REPS2: variants seen among roughly 807,000 people sequenced by gnomAD.
REPS2 encodes the protein RALBP1 associated Eps domain containing 2, also known as ralBP1-associated Eps domain-containing protein 2.
Under a neutral mutation model 53.6 loss-of-function variants are expected in REPS2, and 23 were observed. That is an observed-to-expected ratio of 0.43 (90% confidence interval 0.31 to 0.61). The LOEUF (loss-of-function observed/expected upper bound fraction) is 0.61, where lower values mean the gene tolerates loss of function less well. Ranked by LOEUF, REPS2 falls within the 20% of genes least tolerant of loss-of-function variation. The pLI is 0.11. For missense variants in REPS2, 446 were observed against 534.9 expected, an observed-to-expected ratio of 0.83 and a Z score of 1.64; for synonymous variants, 238 against 218.6, an observed-to-expected ratio of 1.09 and a Z score of -0.78.
intron 14 of REPS2, among the ~76,000 whole-genome samples, chrX:17,110,113 A>T (rs1006148661): frequency 9.0e-6 from 1 of 111,354 alleles, no homozygotes; most frequent in African/African-American, 3.3e-5. Flanking sequence ...GGGGCAGGGG[A>T]AGGAATTCCT....
intron 1 of REPS2, among the ~76,000 whole-genome samples, chrX:16,964,795 C>CG (rs1569092777): frequency 1.2e-5 from 1 of 84,814 alleles, no homozygotes; most frequent in Non-Finnish European, 2.4e-5. Flanking sequence ...GGCTGACCCC[C>CG]CCACCTCCCT....
chrX:17,185,519 C>G, the REPS2 span, among the ~76,000 whole-genome samples: 1 of 111,744 alleles, frequency 8.9e-6, no homozygotes, highest in Non-Finnish European at 1.9e-5. Context: ...TGTTTGGAAA[C>G]TATGGCTCAA....
At chrX:16,959,156 T>C (rs2060630829) in intron 1 of REPS2, among the ~76,000 whole-genome samples, 1 of 112,639 alleles carries the variant, frequency 8.9e-6, no homozygotes, top group African/African-American at 3.2e-5. Context: ...TGGAGCACAG[T>C]GGCACCATCA....
chrX:17,005,269 G>T (rs2061350877), intron 1 of REPS2, among the ~76,000 whole-genome samples: 1 of 111,311 alleles, frequency 9.0e-6, no homozygotes, highest in African/African-American at 3.3e-5. Context: ...TGCCATTGAA[G>T]AGAAGACATT....
the REPS2 span, among the ~76,000 whole-genome samples, chrX:17,188,782 C>T: frequency 8.9e-6 from 1 of 111,842 alleles, no homozygotes; most frequent in African/African-American, 3.3e-5. Flanking sequence ...GTTTAAAGAT[C>T]TTGAAGAAAG....
chrX:17,061,827 G>C (rs1414667031), intron 8 of REPS2, among the ~76,000 whole-genome samples: 1 of 112,391 alleles, frequency 8.9e-6, no homozygotes, highest in East Asian at 2.8e-4. Flanking sequence ...ATAACAGCCA[G>C]TGTCACTATT....
At chrX:17,106,906 A>G (rs2062882217) in intron 14 of REPS2, among the ~76,000 whole-genome samples, 1 of 112,123 alleles carries the variant, frequency 8.9e-6, no homozygotes, top group African/African-American at 3.2e-5. Context: ...ACAAGGCTAC[A>G]GTAACCAAAA....
intron 1 of REPS2, among the ~76,000 whole-genome samples, chrX:17,001,106 A>G (rs779343159): frequency 1.8e-5 from 2 of 112,221 alleles, no homozygotes; most frequent in South Asian, 7.4e-4. Flanking sequence ...TATTACCCCC[A>G]TCTTTGTGAT....
At chrX:17,130,390 T>C (rs181941138) in intron 14 of REPS2, among the ~76,000 whole-genome samples, 7 of 112,000 alleles carry the variant, frequency 6.3e-5, no homozygotes, top group African/African-American at 2.3e-4. Flanking sequence ...GCTGAAATTA[T>C]GGATGTTGGA....
chrX:17,029,379 A>C, intron 4 of REPS2, 147 bp from the exon 5 acceptor site: 1 of 419,613 alleles, frequency 2.4e-6, no homozygotes, highest in Non-Finnish European at 4.1e-6. Context: ...AAAGAGAATC[A>C]GGGGTTGTCA....
At chrX:17,175,675 A>G in the REPS2 span, among the ~76,000 whole-genome samples, 1 of 112,566 alleles carries the variant, frequency 8.9e-6, no homozygotes, top group East Asian at 2.8e-4. Flanking sequence ...GTTAGCTGCT[A>G]TAACAGACAA....
intron 13 of REPS2, among the ~76,000 whole-genome samples, chrX:17,080,938 G>A (rs1019681265): frequency 1.8e-5 from 2 of 111,221 alleles, no homozygotes; most frequent in African/African-American, 6.6e-5. Flanking sequence ...GGGTGGCCAT[G>A]GGGAAGCCTA....
Position 17,077,419 on chromosome X carries a change from C to G in REPS2, c.1516+12C>G, listed in dbSNP as rs1220763852. The stretch of plus-strand genomic sequence containing the variant: ...GCCCAGTGTGCCAGGTGAAGTGCCC[C>G]TTGCCCCCTGAGCCCTTCCATTTCC... On this transcript the variant is annotated intron_variant, in intron 13 of 17. Coordinates refer to ENST00000357277, the MANE Select transcript of REPS2 (RefSeq NM_004726.3). 24 of 1,183,449 alleles carry G rather than the reference C, an allele frequency of 2.0e-5. No homozygotes were observed. Among genetic ancestry groups the G allele is most frequent in the Non-Finnish European group, 2.5e-5 (22 of 882,280 alleles).
At chrX:17,193,058 A>G in the REPS2 span, among the ~76,000 whole-genome samples, 1 of 112,607 alleles carries the variant, frequency 8.9e-6, no homozygotes, top group Non-Finnish European at 1.9e-5. Flanking sequence ...CAAAGCTGCT[A>G]TGAACATTTT....
chrX:17,031,131 A>G (rs1248264609), intron 5 of REPS2, among the ~76,000 whole-genome samples: 2 of 112,201 alleles, frequency 1.8e-5, no homozygotes, highest in African/African-American at 6.5e-5. Flanking sequence ...CACGAGAATC[A>G]CACCCACTGT....
intron 1 of REPS2, among the ~76,000 whole-genome samples, chrX:16,989,577 TC>T (rs2061136573): frequency 8.9e-6 from 1 of 111,813 alleles, no homozygotes; most frequent in Non-Finnish European, 1.9e-5. Flanking sequence ...TAAATAACTT[TC>T]AAAACTTAAC....
At chrX:17,110,326 T>C (rs2062943818) in intron 14 of REPS2, among the ~76,000 whole-genome samples, 1 of 106,734 alleles carries the variant, frequency 9.4e-6, no homozygotes, top group South Asian at 4.2e-4. Flanking sequence ...TTTTTTTTTT[T>C]TTGGGAATAT....
chrX:17,015,572 C>T (rs1179856103), intron 2 of REPS2, among the ~76,000 whole-genome samples: 3 of 109,813 alleles, frequency 2.7e-5, no homozygotes, highest in Non-Finnish European at 5.7e-5. Flanking sequence ...TTCCCCCACC[C>T]CACAACAGTC....
intron 5 of REPS2, among the ~76,000 whole-genome samples, chrX:17,040,399 A>ATGTT (rs751808939): frequency 1.8e-5 from 2 of 111,824 alleles, no homozygotes; most frequent in Non-Finnish European, 3.8e-5. Context: ...ATTTTTTCGA[A>ATGTT]TGTTTGTTTG....
Sources: gnomAD v4.1 joint callset for allele counts (sites outside exome capture counted in the v4.1 genomes callset) on GRCh38, gnomAD v4.1.1 for gene constraint, MANE v1.5 for transcripts, NCBI Gene and HGNC (gene_info 2026-07-23, HGNC 2026-07-21) for gene names.